BRINP3: variants seen among roughly 807,000 people sequenced by gnomAD.
The protein encoded by BRINP3 is BMP/retinoic acid inducible neural specific 3, also known as BMP/retinoic acid-inducible neural-specific protein 3.
In BRINP3, 19 loss-of-function variants were observed where a neutral mutation model predicts 71.0. The observed-to-expected ratio is 0.27, with a 90% CI of 0.19 to 0.39. BRINP3 has a LOEUF of 0.39. Among genes scored for constraint, BRINP3 ranks in the 10% least tolerant of loss-of-function variants. BRINP3 has a pLI of 1.00. For synonymous variants in BRINP3, 380 were observed against 337.7 expected (o/e 1.13, Z -1.37); for missense variants, 959 against 940.8 (o/e 1.02, Z -0.25).
chr1:190,265,113 T>C, intron 3 of BRINP3, 58 bp from the exon 4 acceptor site: 3 of 1,458,936 alleles, frequency 2.1e-6, no homozygotes, highest in South Asian at 1.2e-5. Flanking sequence ...TTTTTTTAAC[T>C]TATCTGCAGG....
chr1:190,222,458 G>T (rs1010525315), intron 6 of BRINP3, among the ~76,000 whole-genome samples: 5 of 151,688 alleles, frequency 3.3e-5, no homozygotes, highest in African/African-American at 1.2e-4. Flanking sequence ...AGAGTATAAA[G>T]ACTTCAAATA....
intron 6 of BRINP3, among the ~76,000 whole-genome samples, chr1:190,165,318 T>A (rs769884095): frequency 6.6e-6 from 1 of 151,558 alleles, no homozygotes; most frequent in Non-Finnish European, 1.5e-5. Flanking sequence ...TAACAAATTC[T>A]AGTAACACAA....
At chr1:190,333,465 T>C (rs1479981277) in intron 2 of BRINP3, among the ~76,000 whole-genome samples, 1 of 151,856 alleles carries the variant, frequency 6.6e-6, no homozygotes, top group Admixed American at 6.6e-5. Flanking sequence ...ATAGAGTAAA[T>C]GAAGCATATG....
Position 190,104,531 on chromosome 1 carries a change from G to A in BRINP3, c.1185-5397C>T, listed in dbSNP as rs1053392003. On this transcript the variant is annotated intron_variant, in intron 7 of 7. Coordinates refer to ENST00000367462, the MANE Select transcript of BRINP3 (RefSeq NM_199051.3). ...TTTTTCTCAGAAGATGGAACATTTC[G>A]TTTTCTCTTCAACAATTCATGCACT... Among the ~76,000 whole-genome samples, 21 of 151,044 alleles carry A rather than the reference G, an allele frequency of 1.4e-4. No homozygotes were observed. In the East Asian group the frequency reaches 1.9e-3, roughly 14 times the overall value.
At chr1:190,185,122 A>C (rs1223832484) in intron 6 of BRINP3, among the ~76,000 whole-genome samples, 1 of 152,118 alleles carries the variant, frequency 6.6e-6, no homozygotes, top group Non-Finnish European at 1.5e-5. Context: ...CATCAAATTA[A>C]ACAGCTTTTG....
intron 2 of BRINP3, among the ~76,000 whole-genome samples, chr1:190,442,394 G>A (rs756875101): frequency 3.9e-5 from 6 of 152,160 alleles, no homozygotes; most frequent in Middle Eastern, 3.2e-3. Flanking sequence ...TGACAAGAGA[G>A]GTAGTTTAAT....
At chr1:190,476,194 T>G (rs1291114232) in intron 1 of BRINP3, among the ~76,000 whole-genome samples, 2 of 149,410 alleles carry the variant, frequency 1.3e-5, no homozygotes, top group Non-Finnish European at 3.0e-5. Flanking sequence ...AAAAAAACAT[T>G]GCTTGGGTTG....
In BRINP3 at chr1:190,202,944, G is replaced by T. The variant is rs555653526; in HGVS notation, c.961+23138C>A. 2.0e-5 allele frequency among the ~76,000 whole-genome samples: 3 copies of T among 152,146 alleles called. No homozygotes were observed. In the East Asian group the frequency reaches 5.8e-4, roughly 30 times the overall value. On this transcript the variant is annotated intron_variant, in intron 6 of 7. Transcript: ENST00000367462. Reference sequence around the variant, plus strand: ...ATGAGGGTCATTTGCCCAGCACAGAGTACCAAATACAGAATGCATGAACAG... The same window carrying T: ...ATGAGGGTCATTTGCCCAGCACAGATTACCAAATACAGAATGCATGAACAG...
At chr1:190,320,699 A>C (rs80100364) in intron 2 of BRINP3, among the ~76,000 whole-genome samples, 2,256 of 151,534 alleles carry the variant, frequency 0.015, 70 homozygotes, top group African/African-American at 0.051. Flanking sequence ...ACACTCACTC[A>C]CTCATACTGG....
At chr1:190,366,869 T>G (rs550280011) in intron 2 of BRINP3, among the ~76,000 whole-genome samples, 9 of 152,332 alleles carry the variant, frequency 5.9e-5, no homozygotes, top group African/African-American at 2.2e-4. Context: ...GGCACACTGA[T>G]GCAAGAGTTA....
intron 6 of BRINP3, among the ~76,000 whole-genome samples, chr1:190,208,429 A>G (rs1571366515): frequency 6.6e-6 from 1 of 152,036 alleles, no homozygotes; most frequent in Admixed American, 6.6e-5. Context: ...TAATAATAGC[A>G]CTTTATTAAA....
At chr1:190,438,467 A>G (rs1674611670) in intron 2 of BRINP3, among the ~76,000 whole-genome samples, 2 of 146,040 alleles carry the variant, frequency 1.4e-5, no homozygotes, top group African/African-American at 2.5e-5. Flanking sequence ...ATTTTCAAAA[A>G]AATTAACTTC....
At chr1:190,201,199 CTTG>C (rs1339502928) in intron 6 of BRINP3, among the ~76,000 whole-genome samples, 7 of 152,156 alleles carry the variant, frequency 4.6e-5, no homozygotes, top group African/African-American at 1.7e-4. Context: ...AGATGAGGAA[CTTG>C]TTGACAATTG....
In BRINP3 at chr1:190,456,409, T is replaced by C. The variant is rs1238194179; in HGVS notation, c.-50-1469A>G. Among the ~76,000 whole-genome samples, 3 of 152,256 alleles carry C rather than the reference T, an allele frequency of 2.0e-5. No homozygotes were observed. In the South Asian group the frequency reaches 6.2e-4, roughly 32 times the overall value. ...TAAACAACATGGGAAGCCTTACAAG[T>C]GAAGACATTTTAAAAATGATTTTCT... On this transcript the variant is annotated intron_variant, in intron 1 of 7. Coordinates refer to ENST00000367462, the MANE Select transcript of BRINP3 (RefSeq NM_199051.3).
At chr1:190,324,148 G>T (rs1372421551) in intron 2 of BRINP3, among the ~76,000 whole-genome samples, 1 of 151,942 alleles carries the variant, frequency 6.6e-6, no homozygotes, top group African/African-American at 2.4e-5. Context: ...TAATTGTAAT[G>T]CAAGCTTCTA....
At chr1:190,118,263 T>G (rs571442270) in intron 7 of BRINP3, among the ~76,000 whole-genome samples, 1 of 152,134 alleles carries the variant, frequency 6.6e-6, no homozygotes, top group African/African-American at 2.4e-5. Context: ...GTGCCTATTA[T>G]AATAGAAAGT....
chr1:190,391,348 T>C (rs1482574438), intron 2 of BRINP3, among the ~76,000 whole-genome samples: 2 of 151,758 alleles, frequency 1.3e-5, no homozygotes, highest in African/African-American at 4.8e-5. Context: ...AACATTACAG[T>C]GCCTCATAGT....
intron 5 of BRINP3, among the ~76,000 whole-genome samples, chr1:190,226,739 G>A (rs1361503023): frequency 2.6e-5 from 4 of 151,888 alleles, no homozygotes; most frequent in Non-Finnish European, 5.9e-5. Context: ...CCACATCAAT[G>A]TAAATATCAT....
In BRINP3 at chr1:190,195,609, C is replaced by T. The variant is rs151214334; in HGVS notation, c.961+30473G>A. On this transcript the variant is annotated intron_variant, in intron 6 of 7. Transcript: ENST00000367462. The stretch of plus-strand genomic sequence containing the variant: ...ATTATACGTATGAAGAATTCCTTTT[C>T]TTGTCTCTCATAGAAAGGTACATAC... Among the ~76,000 whole-genome samples the T allele has an allele frequency of 4.0e-4, 61 of 152,014 alleles. 1 individual carries two copies. The East Asian group carries it at 7.4e-3, about 18-fold the overall frequency.
Sources: gnomAD v4.1 joint callset for allele counts (sites outside exome capture counted in the v4.1 genomes callset) on GRCh38, gnomAD v4.1.1 for gene constraint, MANE v1.5 for transcripts, NCBI Gene and HGNC (gene_info 2026-07-23, HGNC 2026-07-21) for gene names.